The following SCFD2 variants were observed in gnomAD, a reference collection of about 807,000 sequenced individuals.
SCFD2 encodes sec1 family domain containing 2.
Under a neutral mutation model 58.9 loss-of-function variants are expected in SCFD2, and 54 were observed. The observed-to-expected ratio is 0.92, with a 90% CI of 0.74 to 1.15. SCFD2 has a LOEUF of 1.15. SCFD2 is among the 50% of genes most tolerant of loss of function. SCFD2 has a pLI of 0.00. For missense variants in SCFD2, 805 were observed against 836.6 expected (o/e 0.96, Z 0.47); for synonymous variants, 321 against 335.9 (o/e 0.96, Z 0.49).
At chr4:52,993,770 C>A (rs1368625904) in intron 5 of SCFD2, among the ~76,000 whole-genome samples, 2 of 152,228 alleles carry the variant, frequency 1.3e-5, no homozygotes, top group Non-Finnish European at 2.9e-5. Context: ...ATCATTGTAA[C>A]TCTCTAGCAC....
At chr4:53,236,141 C>A (rs1397243689) in intron 4 of SCFD2, among the ~76,000 whole-genome samples, 1 of 152,060 alleles carries the variant, frequency 6.6e-6, no homozygotes, top group Non-Finnish European at 1.5e-5. Flanking sequence ...CTGGTGGGCA[C>A]AATCTAATCA....
intron 5 of SCFD2, among the ~76,000 whole-genome samples, chr4:53,144,396 C>T (rs1321308080): frequency 6.7e-6 from 1 of 148,692 alleles, no homozygotes; most frequent in Non-Finnish European, 1.5e-5. Flanking sequence ...TGTATATATA[C>T]ATATACATGT....
intron 8 of SCFD2, among the ~76,000 whole-genome samples, chr4:52,877,328 A>G (rs1718497318): frequency 6.6e-6 from 1 of 152,048 alleles, no homozygotes; most frequent in Non-Finnish European, 1.5e-5. Context: ...AAAGAAACAG[A>G]TGGAAAACAG....
intron 2 of SCFD2, among the ~76,000 whole-genome samples, chr4:53,339,397 A>G (rs1328705420): frequency 2.0e-5 from 3 of 151,106 alleles, no homozygotes; most frequent in African/African-American, 7.3e-5. Context: ...TACATAATAT[A>G]TGTATACAAC....
At chr4:53,014,558 AT>A (rs946855081) in intron 5 of SCFD2, among the ~76,000 whole-genome samples, 1 of 152,352 alleles carries the variant, frequency 6.6e-6, no homozygotes, top group Non-Finnish European at 1.5e-5. Flanking sequence ...CTTATTCAGC[AT>A]TTATCAAGAA....
At chr4:53,262,306 TG>T (rs1447965797) in intron 4 of SCFD2, among the ~76,000 whole-genome samples, 2 of 152,190 alleles carry the variant, frequency 1.3e-5, no homozygotes, top group Non-Finnish European at 2.9e-5. Flanking sequence ...ATTTGTTGCC[TG>T]GATGTCTTTT....
rs988104259 is a variant in SCFD2, at chr4:53,296,168, G to A, written c.1135+17468C>T. Among the ~76,000 whole-genome samples the A allele has an allele frequency of 1.6e-4, 24 of 152,302 alleles. 1 individual carries two copies. The highest frequency in any genetic ancestry group is 1.3e-3 in the Admixed American group (20 of 15,298). On this transcript the variant is annotated intron_variant, in intron 3 of 8. Transcript: ENST00000401642. ...TGGCCTCATAAAATGAGTTAGGGAG[G>A]ATTCCCTCTTTTTTTATTGATTGGA...
chr4:52,878,090 T>C (rs1306018710), intron 8 of SCFD2, among the ~76,000 whole-genome samples: 1 of 152,158 alleles, frequency 6.6e-6, no homozygotes, highest in Non-Finnish European at 1.5e-5. Context: ...CAGAAAGCCT[T>C]CCCAGACCAC....
chr4:52,905,271 G>A (rs1388698309), intron 7 of SCFD2, among the ~76,000 whole-genome samples: 1 of 152,186 alleles, frequency 6.6e-6, no homozygotes, highest in Non-Finnish European at 1.5e-5. Context: ...AGCCCTACTG[G>A]GTGTTCCTCT....
intron 5 of SCFD2, among the ~76,000 whole-genome samples, chr4:52,923,046 C>A (rs183141172): frequency 6.6e-6 from 1 of 152,268 alleles, no homozygotes; most frequent in South Asian, 2.1e-4. Flanking sequence ...TCAGACACAG[C>A]GAGGTGGCAT....
chr4:53,170,133 T>C (rs946171790), intron 4 of SCFD2, among the ~76,000 whole-genome samples: 6 of 152,194 alleles, frequency 3.9e-5, no homozygotes, highest in African/African-American at 1.4e-4. Flanking sequence ...TTCTTGCATG[T>C]TTTCTTGTAG....
At chr4:53,110,799 A>G (rs1725147933) in intron 5 of SCFD2, among the ~76,000 whole-genome samples, 1 of 152,230 alleles carries the variant, frequency 6.6e-6, no homozygotes, top group Admixed American at 6.5e-5. Context: ...TGGATCTAGA[A>G]CCAGAAATAC....
At chr4:53,040,469 T>A (rs1475897810) in intron 5 of SCFD2, among the ~76,000 whole-genome samples, 1 of 152,132 alleles carries the variant, frequency 6.6e-6, no homozygotes, top group Non-Finnish European at 1.5e-5. Flanking sequence ...GAATCAAAAT[T>A]TAATGTCCTA....
chr4:52,976,185 G>T (rs905300614), intron 5 of SCFD2, among the ~76,000 whole-genome samples: 50 of 151,716 alleles, frequency 3.3e-4, no homozygotes, highest in African/African-American at 1.2e-3. Context: ...AAAAAAAATT[G>T]GTTGTTTCTA....
intron 3 of SCFD2, among the ~76,000 whole-genome samples, chr4:53,307,410 A>C (rs1284784532): frequency 6.6e-6 from 1 of 152,216 alleles, no homozygotes; most frequent in Non-Finnish European, 1.5e-5. Context: ...TACCTCCCCC[A>C]ATCCCTAGTT....
chr4:53,208,949 T>G (rs368392319), intron 4 of SCFD2, among the ~76,000 whole-genome samples: 32 of 152,150 alleles, frequency 2.1e-4, no homozygotes, highest in African/African-American at 7.0e-4. Context: ...ACCCAATATT[T>G]GCATTTCTAA....
chr4:52,928,293 C>T (rs765285915), intron 5 of SCFD2, among the ~76,000 whole-genome samples: 27 of 152,132 alleles, frequency 1.8e-4, no homozygotes, highest in Non-Finnish European at 3.5e-4. Context: ...CTATGATCAC[C>T]ACTGTCCTCT....
chr4:53,210,804 G>C lies in SCFD2; in HGVS notation c.1311+63022C>G, dbSNP rs529391490. Reference sequence around the variant, plus strand: ...GGAATGTGTTAGACCTCAGGGGCAGGCTTCTGACCTCCTGCCCTCCTTTCA... The same window carrying C: ...GGAATGTGTTAGACCTCAGGGGCAGCCTTCTGACCTCCTGCCCTCCTTTCA... On this transcript the variant is annotated intron_variant, in intron 4 of 8. Transcript: ENST00000401642. 1.4e-4 allele frequency among the ~76,000 whole-genome samples: 21 copies of C among 152,088 alleles called. 1 individual carries two copies. The highest frequency in any genetic ancestry group is 4.3e-4 in the African/African-American group (18 of 41,426).
At chr4:53,161,114 G>A (rs1560363422) in intron 4 of SCFD2, among the ~76,000 whole-genome samples, 1 of 152,158 alleles carries the variant, frequency 6.6e-6, no homozygotes, top group Non-Finnish European at 1.5e-5. Context: ...CAAGGGAAAT[G>A]TATCTAGATT....
Sources: allele counts gnomAD v4.1 joint callset (sites outside exome capture counted in the v4.1 genomes callset), GRCh38; gene constraint gnomAD v4.1.1; transcripts MANE v1.5; gene names NCBI Gene and HGNC (gene_info 2026-07-23, HGNC 2026-07-21).